The following EYS variants were observed in gnomAD, a reference collection of about 807,000 sequenced individuals.
The protein encoded by EYS is EGF-like photoreceptor maintenance factor, also known as protein eyes shut homolog.
EYS carries 250 observed loss-of-function variants against 282.1 expected under a neutral mutation model. The observed-to-expected ratio is 0.89, with a 90% confidence interval of 0.80 to 0.98. The LOEUF (loss-of-function observed/expected upper bound fraction) is 0.98, where lower values mean the gene tolerates loss of function less well. Ranked by LOEUF, EYS falls within the 50% of genes least tolerant of loss-of-function variation. The pLI is 0.00. For missense variants in EYS, 4,016 were observed against 3,709.0 expected, an observed-to-expected ratio of 1.08 and a Z score of -2.15; for synonymous variants, 1,355 against 1,282.9, an observed-to-expected ratio of 1.06 and a Z score of -1.20.
chr6:65,338,740 A>T (rs1286165845), intron 10 of EYS, among the ~76,000 whole-genome samples: 1 of 151,130 alleles, frequency 6.6e-6, no homozygotes, highest in Non-Finnish European at 1.5e-5. Context: ...TTTCTTCCCA[A>T]AGGAAACAGA....
chr6:65,010,466 A>G (rs2150132906), intron 13 of EYS, among the ~76,000 whole-genome samples: 1 of 152,340 alleles, frequency 6.6e-6, no homozygotes, highest in South Asian at 2.1e-4. Flanking sequence ...TCTTCCAGAC[A>G]ATGAAGAAAA....
At chr6:64,372,228 G>A (rs193214196) in intron 29 of EYS, among the ~76,000 whole-genome samples, 4 of 147,252 alleles carry the variant, frequency 2.7e-5, no homozygotes, top group Admixed American at 1.4e-4. Flanking sequence ...TGTAAGGTAG[G>A]TCTGGTGGTA....
intron 13 of EYS, among the ~76,000 whole-genome samples, chr6:65,020,779 G>A (rs1772228970): frequency 6.6e-6 from 1 of 152,162 alleles, no homozygotes; most frequent in African/African-American, 2.4e-5. Context: ...ACATCCAGAT[G>A]TTTCCATACA....
At chr6:64,426,353 A>G (rs1040658079) in intron 28 of EYS, among the ~76,000 whole-genome samples, 6 of 152,190 alleles carry the variant, frequency 3.9e-5, no homozygotes, top group African/African-American at 1.4e-4. Flanking sequence ...AGGTGACAGT[A>G]ACAAAAGCTG....
At chr6:64,030,559 G>A (rs1226331506) in intron 33 of EYS, among the ~76,000 whole-genome samples, 1 of 151,958 alleles carries the variant, frequency 6.6e-6, no homozygotes, top group Non-Finnish European at 1.5e-5. Flanking sequence ...ACCAGTCGGG[G>A]ATAGTACGAG....
chr6:64,222,198 TAAATA>T (rs1169217658), intron 31 of EYS, among the ~76,000 whole-genome samples: 6 of 152,138 alleles, frequency 3.9e-5, no homozygotes, highest in African/African-American at 1.4e-4. Flanking sequence ...CCAGGACAGT[TAAATA>T]ATAAATTCTT....
intron 12 of EYS, among the ~76,000 whole-genome samples, chr6:65,170,065 G>A (rs1357331738): frequency 6.6e-6 from 1 of 151,510 alleles, no homozygotes; most frequent in African/African-American, 2.4e-5. Flanking sequence ...TAATGATGGT[G>A]CTATAAAATA....
intron 2 of EYS, among the ~76,000 whole-genome samples, chr6:65,632,581 T>A (rs116085945): frequency 0.014 from 2,146 of 152,352 alleles, 18 homozygotes; most frequent in African/African-American, 0.02. Context: ...CAGGTTAGCA[T>A]ATCAATTACT....
intron 40 of EYS, among the ~76,000 whole-genome samples, chr6:63,773,865 C>T (rs1244196464): frequency 3.3e-5 from 5 of 152,106 alleles, no homozygotes; most frequent in African/African-American, 1.2e-4. Context: ...GTTTGTAAAC[C>T]TCTAAAATGA....
intron 13 of EYS, among the ~76,000 whole-genome samples, chr6:65,034,861 A>T (rs1465707063): frequency 6.6e-6 from 1 of 152,136 alleles, no homozygotes; most frequent in Non-Finnish European, 1.5e-5. Context: ...AACTCATTCT[A>T]TGAGGCCAGC....
At chr6:64,075,512 C>T (rs917962877) in intron 32 of EYS, among the ~76,000 whole-genome samples, 1 of 151,944 alleles carries the variant, frequency 6.6e-6, no homozygotes, top group Non-Finnish European at 1.5e-5. Flanking sequence ...AATGGGTCTT[C>T]TTCATTTGGG....
rs142151737 is a variant in EYS, at chr6:65,587,557, C to G, written c.-333+52221G>C. Among the ~76,000 whole-genome samples the G allele has an allele frequency of 7.9e-3, 1,203 of 152,164 alleles. 2 individuals carry two copies. The highest frequency in any genetic ancestry group is 0.012 in the Non-Finnish European group (822 of 68,000). On this transcript the variant is annotated intron_variant, in intron 2 of 42. Coordinates refer to ENST00000503581, the MANE Select transcript of EYS (RefSeq NM_001142800.2). ...GCCGTGACTGCAAATTTCCTGGGGC[C>G]TCTTCAGCCCTGCAGATCTGTGAGT...
intron 5 of EYS, among the ~76,000 whole-genome samples, chr6:65,444,454 G>A (rs986936631): frequency 6.6e-6 from 1 of 152,038 alleles, no homozygotes; most frequent in Non-Finnish European, 1.5e-5. Context: ...TTTGCCACAA[G>A]GCCTACTAAT....
intron 31 of EYS, among the ~76,000 whole-genome samples, chr6:64,157,507 T>C (rs989395824): frequency 1.3e-5 from 2 of 152,142 alleles, no homozygotes; most frequent in African/African-American, 4.8e-5. Flanking sequence ...AAGTCTTCAC[T>C]ACAGCCCCTC....
At chr6:64,622,473 G>C (rs116469543) in intron 23 of EYS, among the ~76,000 whole-genome samples, 224 of 152,268 alleles carry the variant, frequency 1.5e-3, no homozygotes, top group African/African-American at 5.1e-3. Flanking sequence ...TTTGCAGACT[G>C]TCTGGTGGGG....
At chr6:64,812,432 G>A (rs1764625627) in intron 22 of EYS, among the ~76,000 whole-genome samples, 1 of 151,966 alleles carries the variant, frequency 6.6e-6, no homozygotes, top group Admixed American at 6.6e-5. Context: ...TTTTATGTAT[G>A]TCTTACTAGA....
intron 31 of EYS, among the ~76,000 whole-genome samples, chr6:64,211,942 C>T (rs1206662819): frequency 6.6e-6 from 1 of 151,632 alleles, no homozygotes; most frequent in Non-Finnish European, 1.5e-5. Context: ...ATGGTAAAAA[C>T]CCATCTCTAC....
chr6:64,093,818 T>C (rs1046225357), intron 31 of EYS, among the ~76,000 whole-genome samples: 2 of 152,212 alleles, frequency 1.3e-5, no homozygotes, highest in Admixed American at 6.5e-5. Context: ...AGAGAGGTCA[T>C]CCCTGTCTTG....
intron 15 of EYS, among the ~76,000 whole-genome samples, chr6:64,918,298 G>T (rs1018434776): frequency 1.3e-5 from 2 of 152,098 alleles, no homozygotes; most frequent in African/African-American, 2.4e-5. Flanking sequence ...CATATGAGAA[G>T]ATTGATATGG....
Sources: allele counts gnomAD v4.1 joint callset (sites outside exome capture counted in the v4.1 genomes callset), GRCh38; gene constraint gnomAD v4.1.1; transcripts MANE v1.5; gene names NCBI Gene and HGNC (gene_info 2026-07-23, HGNC 2026-07-21).